The following DYNC1LI1 variants were observed in gnomAD, a reference collection of about 807,000 sequenced individuals.
The protein encoded by DYNC1LI1 is cytoplasmic dynein 1 light intermediate chain 1.
Under a neutral mutation model 63.8 loss-of-function variants are expected in DYNC1LI1, and 19 were observed. The ratio of observed to expected loss-of-function variants is 0.30; its 90% CI spans 0.21 to 0.44. The LOEUF (loss-of-function observed/expected upper bound fraction) is 0.44. DYNC1LI1 is among the 20% of genes least tolerant of loss of function. DYNC1LI1 has a pLI of 1.00. For synonymous variants in DYNC1LI1, 225 were observed against 232.3 expected (o/e 0.97, Z 0.28); for missense variants, 565 against 630.2 (o/e 0.90, Z 1.11).
chr3:32,561,938 T>G (rs1435800673), intron 2 of DYNC1LI1, among the ~76,000 whole-genome samples: 1 of 151,610 alleles, frequency 6.6e-6, no homozygotes, highest in South Asian at 2.1e-4. Flanking sequence ...ATAATATAAA[T>G]CATGATTTAT....
intron 11 of DYNC1LI1, 124 bp downstream of exon 11, chr3:32,529,414 CAT>C: frequency 8.8e-6 from 7 of 798,322 alleles, no homozygotes; most frequent in Non-Finnish European, 1.3e-5. Flanking sequence ...ATTATATATC[CAT>C]AGAGACAAAG....
chr3:32,533,327 G>A (rs1697726985), intron 7 of DYNC1LI1, among the ~76,000 whole-genome samples: 1 of 152,110 alleles, frequency 6.6e-6, no homozygotes. Flanking sequence ...AAAAAAATTA[G>A]CTGGGCATGC....
At chr3:32,543,950 T>C (rs940993142) in intron 4 of DYNC1LI1, among the ~76,000 whole-genome samples, 25 of 148,358 alleles carry the variant, frequency 1.7e-4, no homozygotes, top group Admixed American at 2.7e-4. Flanking sequence ...CCTGTACTAC[T>C]CAGGGGGCTG....
intron 2 of DYNC1LI1, 48 bp downstream of exon 2, chr3:32,570,298 C>T (rs776528982): frequency 4.1e-6 from 6 of 1,472,714 alleles, no homozygotes; most frequent in Admixed American, 1.9e-5. Context: ...CCAGGTACCC[C>T]GGGCCGCTGG....
chr3:32,532,808 A>G (rs1275983623), intron 8 of DYNC1LI1, 178 bp downstream of exon 8: 1 of 1,128,388 alleles, frequency 8.9e-7, no homozygotes, highest in Non-Finnish European at 1.1e-6. Context: ...GCTGATTTCT[A>G]TTTTGCTAAA....
chr3:32,563,236 G>C (rs752671984), intron 2 of DYNC1LI1, among the ~76,000 whole-genome samples: 13 of 150,766 alleles, frequency 8.6e-5, no homozygotes, highest in Non-Finnish European at 1.8e-4. Context: ...CCACTGTCCT[G>C]ATTTTACAAA....
At chr3:32,529,413 C>T in intron 11 of DYNC1LI1, 127 bp downstream of exon 11, 1 of 777,778 alleles carries the variant, frequency 1.3e-6, no homozygotes, top group Non-Finnish European at 1.9e-6. Flanking sequence ...GATTATATAT[C>T]CATAGAGACA....
In DYNC1LI1 at chr3:32,526,586, C is replaced by A; in HGVS notation, c.*213G>T. The A allele has an allele frequency of 2.7e-6, 1 of 367,086 alleles. No homozygotes were observed. The highest frequency in any genetic ancestry group is 4.2e-5 in the East Asian group (1 of 23,968). The allele number at this position is 367,086 out of a possible 1,614,324, so 22.7% of individuals were successfully genotyped here. ...TACTTTCTTATGCAAAATGGCAATGCAAACAGCAATCCTACATAATGTAGA... is the reference window on the plus strand; with the variant it reads ...TACTTTCTTATGCAAAATGGCAATGAAAACAGCAATCCTACATAATGTAGA... On this transcript the variant is annotated 3_prime_UTR_variant, in exon 13 of 13. Coordinates refer to ENST00000273130, the MANE Select transcript of DYNC1LI1 (RefSeq NM_016141.4).
intron 2 of DYNC1LI1, among the ~76,000 whole-genome samples, chr3:32,568,234 A>C (rs975101686): frequency 3.9e-5 from 6 of 152,192 alleles, no homozygotes; most frequent in Non-Finnish European, 8.8e-5. Context: ...CTTCAAACTC[A>C]TAACAAAGAA....
At chr3:32,532,385 G>GA (rs1697709765) in intron 8 of DYNC1LI1, 1 of 150,682 alleles carries the variant, frequency 6.6e-6, no homozygotes, top group Non-Finnish European at 1.5e-5. Context: ...AGAATCGCTT[G>GA]AACCTGGGAG....
intron 2 of DYNC1LI1, among the ~76,000 whole-genome samples, chr3:32,547,569 AGGTGAAG>A (rs1697973050): frequency 1.3e-5 from 2 of 152,212 alleles, no homozygotes; most frequent in Non-Finnish European, 2.9e-5. Flanking sequence ...ACTGGGGCCA[AGGTGAAG>A]CCAAGTGATG....
intron 7 of DYNC1LI1, among the ~76,000 whole-genome samples, chr3:32,534,032 A>AGTG (rs1697740912): frequency 2.0e-5 from 3 of 151,872 alleles, no homozygotes; most frequent in African/African-American, 7.3e-5. Flanking sequence ...GTGCACCACC[A>AGTG]CACCCGGGCT....
At chr3:32,563,340 G>T (rs1035303681) in intron 2 of DYNC1LI1, among the ~76,000 whole-genome samples, 1 of 149,118 alleles carries the variant, frequency 6.7e-6, no homozygotes, top group Non-Finnish European at 1.5e-5. Flanking sequence ...ACCCAGGCTG[G>T]AGTGCGGTGG....
intron 6 of DYNC1LI1, among the ~76,000 whole-genome samples, 173 bp downstream of exon 6, chr3:32,536,838 C>G (rs747021998): frequency 2.0e-5 from 3 of 152,088 alleles, no homozygotes; most frequent in Non-Finnish European, 4.4e-5. Context: ...GCTTTTCTAT[C>G]TCAAAATATC....
At chr3:32,559,966 C>G (rs998940509) in intron 2 of DYNC1LI1, among the ~76,000 whole-genome samples, 1 of 152,198 alleles carries the variant, frequency 6.6e-6, no homozygotes, top group Non-Finnish European at 1.5e-5. Flanking sequence ...TGCTCCCCAT[C>G]TCCTAGAGGG....
At chr3:32,554,699 G>A (rs1220293280) in intron 2 of DYNC1LI1, among the ~76,000 whole-genome samples, 1 of 152,132 alleles carries the variant, frequency 6.6e-6, no homozygotes, top group East Asian at 1.9e-4. Context: ...AGAATATTCT[G>A]ACCACCTCAC....
Position 32,536,491 on chromosome 3 carries a change from A to G in DYNC1LI1, c.832+520T>C, listed in dbSNP as rs569090224. Among the ~76,000 whole-genome samples the G allele has an allele frequency of 2.0e-5, 3 of 152,302 alleles. No individual in the cohort carries two copies. In the South Asian group the frequency reaches 6.2e-4, roughly 32 times the overall value. On this transcript the variant is annotated intron_variant, in intron 6 of 12. Coordinates refer to ENST00000273130, the MANE Select transcript of DYNC1LI1 (RefSeq NM_016141.4). ...GCAATCTAGATTAACAAGACTTTCT[A>G]TGATAGATTTTCCAGGAAGGTTTCT...
At position 32,528,480 on chromosome 3, in the gene DYNC1LI1, TCCA is replaced by T. The variant is rs1412865989; in HGVS notation, c.1425_1427del (p.Gly476del). 4 of 1,614,010 alleles carry T rather than the reference TCCA, an allele frequency of 2.5e-6. No homozygotes were observed. In the East Asian group the frequency reaches 8.9e-5, roughly 36 times the overall value. On this transcript the variant is annotated inframe_deletion, in exon 12 of 13. Coordinates refer to ENST00000273130, the MANE Select transcript of DYNC1LI1 (RefSeq NM_016141.4). ...TGGTGGATGGTGGTAAACCACTGCT[TCCA>T]CCTCCAGCCCCACCTGCAGGGCTAC...
At position 32,537,428 on chromosome 3, in the gene DYNC1LI1, A is replaced by T. The variant is rs142876784; in HGVS notation, c.739-324T>A. 5.0e-3 allele frequency among the ~76,000 whole-genome samples: 768 copies of T among 152,224 alleles called. 10 individuals carry two copies. The highest frequency in any genetic ancestry group is 0.017 in the African/African-American group (723 of 41,540). On this transcript the variant is annotated intron_variant, in intron 5 of 12. Coordinates refer to ENST00000273130, the MANE Select transcript of DYNC1LI1 (RefSeq NM_016141.4). The stretch of plus-strand genomic sequence containing the variant: ...AGAAATCATACTTGCTAATAACTCA[A>T]CTACTTATAACCTGGAACAAAGTTT...
Sources: gnomAD v4.1 joint callset for allele counts (sites outside exome capture counted in the v4.1 genomes callset) on GRCh38, gnomAD v4.1.1 for gene constraint, MANE v1.5 for transcripts, NCBI Gene and HGNC (gene_info 2026-07-23, HGNC 2026-07-21) for gene names.